The following PRKN variants were observed in gnomAD, a reference collection of about 807,000 sequenced individuals.
The protein encoded by PRKN is E3 ubiquitin-protein ligase parkin.
In PRKN, 56 loss-of-function variants were observed where a neutral mutation model predicts 59.5. The ratio of observed to expected loss-of-function variants is 0.94; its 90% CI spans 0.76 to 1.18. The LOEUF is 1.18. Among genes scored for constraint, PRKN ranks in the 50% most tolerant of loss-of-function variants. The pLI, the probability that PRKN is intolerant of heterozygous loss-of-function variation, is 0.00. For synonymous variants in PRKN, 250 were observed against 222.1 expected (o/e 1.13, Z -1.12); for missense variants, 657 against 596.4 (o/e 1.10, Z -1.06).
intron 3 of PRKN, among the ~76,000 whole-genome samples, chr6:162,258,524 A>C (rs1779750553): frequency 9.2e-6 from 1 of 109,076 alleles, no homozygotes; most frequent in Non-Finnish European, 1.7e-5. Context: ...TTCTTATTGA[A>C]AATGTAGTAA....
intron 4 of PRKN, among the ~76,000 whole-genome samples, chr6:162,192,751 T>C (rs547978310): frequency 1.3e-5 from 2 of 152,302 alleles, no homozygotes; most frequent in East Asian, 3.9e-4. Flanking sequence ...TATATACACA[T>C]ACTTTTTCAG....
chr6:162,325,437 A>G lies in PRKN; in HGVS notation c.172-62672T>C, dbSNP rs549352285. ...GCCTCAATTTACTATAAAAATGTCA[A>G]TGGCTCACTAGTGACCTAACCTCAA... On this transcript the variant is annotated intron_variant, in intron 2 of 11. Transcript: ENST00000366898. Among the ~76,000 whole-genome samples, 4 of 152,250 alleles carry G rather than the reference A, an allele frequency of 2.6e-5. No homozygotes were observed. In the East Asian group the frequency reaches 5.8e-4, roughly 22 times the overall value.
chr6:162,531,057 CAAAAAAAAA>C (rs1171548218), intron 1 of PRKN, among the ~76,000 whole-genome samples: 10 of 79,886 alleles, frequency 1.3e-4, no homozygotes, highest in Non-Finnish European at 2.0e-4. Flanking sequence ...ACTCCATCTC[CAAAAAAAAA>C]AAAAAAAAAA....
intron 2 of PRKN, among the ~76,000 whole-genome samples, chr6:162,322,440 C>A (rs1244768332): frequency 1.3e-5 from 2 of 152,044 alleles, no homozygotes; most frequent in African/African-American, 4.8e-5. Context: ...CAAGCTAATT[C>A]TAAGATTCAT....
chr6:161,449,259 C>G lies in PRKN; in HGVS notation c.1084-62382G>C, dbSNP rs1340632836. On this transcript the variant is annotated intron_variant, in intron 9 of 11. Transcript: ENST00000366898. ...ATTTTGTCCCACGATTTAGCATGTC[C>G]TCTAAGCAAAATAACTGTCCAACCA... Among the ~76,000 whole-genome samples, 3 of 152,262 alleles carry G rather than the reference C, an allele frequency of 2.0e-5. No homozygotes were observed. In the East Asian group the frequency reaches 5.8e-4, roughly 29 times the overall value.
chr6:162,172,300 G>A (rs1322264927), intron 4 of PRKN, among the ~76,000 whole-genome samples: 2 of 152,308 alleles, frequency 1.3e-5, no homozygotes, highest in East Asian at 1.9e-4. Flanking sequence ...CAGATATTAA[G>A]AGAAATGAGG....
intron 1 of PRKN, among the ~76,000 whole-genome samples, chr6:162,596,878 A>C (rs1460323097): frequency 1.3e-5 from 2 of 152,212 alleles, no homozygotes; most frequent in Non-Finnish European, 2.9e-5. Context: ...AGGAAGCTTC[A>C]TGCATGGGGA....
At chr6:161,783,380 T>C (rs1790287953) in intron 7 of PRKN, among the ~76,000 whole-genome samples, 2 of 152,070 alleles carry the variant, frequency 1.3e-5, no homozygotes, top group Admixed American at 1.3e-4. Flanking sequence ...TACTATTTCC[T>C]ACGAAAGGGA....
At position 161,578,634 on chromosome 6, in the gene PRKN, T is replaced by C. The variant is rs1039348199; in HGVS notation, c.872-9218A>G. On this transcript the variant is annotated intron_variant, in intron 7 of 11. Coordinates refer to ENST00000366898, the MANE Select transcript of PRKN (RefSeq NM_004562.3). This position sits in a 1 kb window ranked among gnomAD's most constrained non-coding sequence, Gnocchi z 4.2. ...AGATCCCCAGGCTCTATGAACACCC[T>C]CCCCTGACCTCTCTTTCCTGTGACA... Among the ~76,000 whole-genome samples, 6 of 152,114 alleles carry C rather than the reference T, an allele frequency of 3.9e-5. No homozygotes were observed. The highest frequency in any genetic ancestry group is 1.4e-4 in the African/African-American group (6 of 41,430).
chr6:162,630,301 C>T (rs1219439400), intron 1 of PRKN, among the ~76,000 whole-genome samples: 2 of 152,132 alleles, frequency 1.3e-5, no homozygotes, highest in East Asian at 3.9e-4. Context: ...AACAGGTTTT[C>T]TTCGTACTAA....
At position 161,414,326 on chromosome 6, in the gene PRKN, G is replaced by A. The variant is rs1436381639; in HGVS notation, c.1084-27449C>T. On this transcript the variant is annotated intron_variant, in intron 9 of 11. Coordinates refer to ENST00000366898, the MANE Select transcript of PRKN (RefSeq NM_004562.3). The surrounding 1 kb of genome is among the most constrained non-coding windows in gnomAD (Gnocchi z 5.3). ...CAGCGGCCAGTCTCTGTGTTCTCGGGCGCTCTGTGTCAGGTCCTGGTATTT... is the reference window on the plus strand; with the variant it reads ...CAGCGGCCAGTCTCTGTGTTCTCGGACGCTCTGTGTCAGGTCCTGGTATTT... Among the ~76,000 whole-genome samples, 1 of 152,112 alleles carries A rather than the reference G, an allele frequency of 6.6e-6. No homozygotes were observed. Among genetic ancestry groups the A allele is most frequent in the African/African-American group, 2.4e-5 (1 of 41,404 alleles).
chr6:161,378,509 C>T lies in PRKN; in HGVS notation c.1167+8285G>A, dbSNP rs1257590523. 6.6e-6 allele frequency among the ~76,000 whole-genome samples: 1 copy of T among 152,200 alleles called. No homozygotes were observed. The highest frequency in any genetic ancestry group is 6.5e-5 in the Admixed American group (1 of 15,286). ...ACAGTGACACCAGGGAAGATGAAGA[C>T]ACTCCATCTTGACAGGAAGTGACTC... On this transcript the variant is annotated intron_variant, in intron 10 of 11. Coordinates refer to ENST00000366898, the MANE Select transcript of PRKN (RefSeq NM_004562.3). This position sits in a 1 kb window ranked among gnomAD's most constrained non-coding sequence, Gnocchi z 7.3.
chr6:161,353,637 C>T lies in PRKN; in HGVS notation c.1286-3426G>A, dbSNP rs7739854. 0.24 allele frequency among the ~76,000 whole-genome samples: 36,693 copies of T among 152,144 alleles called. 4,948 individuals are homozygous for T. The highest frequency in any genetic ancestry group is 0.36 in the African/African-American group (15,015 of 41,468). On this transcript the variant is annotated intron_variant, in intron 11 of 11. Transcript: ENST00000366898. The surrounding 1 kb of genome is among the most constrained non-coding windows in gnomAD (Gnocchi z 4.8). The stretch of plus-strand genomic sequence containing the variant: ...TCTTCATCTGTATCTTTTGTAATAT[C>T]CTTTATAATAAACTGGTAAATGTGT...
intron 1 of PRKN, among the ~76,000 whole-genome samples, chr6:162,483,446 G>A (rs1012629725): frequency 6.6e-6 from 1 of 151,994 alleles, no homozygotes; most frequent in African/African-American, 2.4e-5. Context: ...TTAAAAATTT[G>A]GAGGGAGGTG....
chr6:162,676,679 A>C (rs577940853), intron 1 of PRKN, among the ~76,000 whole-genome samples: 2 of 152,352 alleles, frequency 1.3e-5, no homozygotes, highest in Admixed American at 6.5e-5. Flanking sequence ...AACTAAGGTA[A>C]AAAGTTACTG....
At chr6:162,580,635 A>C (rs1198362803) in intron 1 of PRKN, among the ~76,000 whole-genome samples, 4 of 152,108 alleles carry the variant, frequency 2.6e-5, no homozygotes, top group Non-Finnish European at 5.9e-5. Context: ...ATATTTTATG[A>C]AATTCATCTG....
At chr6:161,569,007 C>G (rs1780762471) in intron 8 of PRKN, among the ~76,000 whole-genome samples, 1 of 151,760 alleles carries the variant, frequency 6.6e-6, no homozygotes, top group Admixed American at 6.6e-5. Flanking sequence ...CATTCACCCA[C>G]AGACAGCAAC....
chr6:162,727,605 G>A (rs1022815802), intron 1 of PRKN, 57 bp downstream of exon 1: 145 of 1,543,164 alleles, frequency 9.4e-5, no homozygotes, highest in Non-Finnish European at 1.2e-4. Flanking sequence ...GGGGCGTGGC[G>A]CCATACCGGG....
At chr6:162,287,524 T>C (rs1481608109) in intron 2 of PRKN, among the ~76,000 whole-genome samples, 1 of 152,092 alleles carries the variant, frequency 6.6e-6, no homozygotes, top group East Asian at 1.9e-4. Context: ...GCCATGATCA[T>C]GCCACTGCAC....
Sources: gnomAD v4.1 joint callset for allele counts (sites outside exome capture counted in the v4.1 genomes callset) on GRCh38, gnomAD v4.1.1 for gene constraint, Gnocchi (gnomAD v3.1) non-coding constraint, MANE v1.5 for transcripts, NCBI Gene and HGNC (gene_info 2026-07-23, HGNC 2026-07-21) for gene names.